Variants in UVRAG observed in about 807,000 individuals in gnomAD.
UVRAG encodes UV radiation resistance-associated gene protein.
In UVRAG, 19 loss-of-function variants were observed where a neutral mutation model predicts 78.0. That is an observed-to-expected ratio of 0.24 (90% CI 0.17 to 0.36). The LOEUF is 0.36. UVRAG is among the 10% of genes least tolerant of loss of function. The pLI is 1.00. For missense variants in UVRAG, 740 were observed against 853.8 expected, an observed-to-expected ratio of 0.87 and a Z score of 1.66; for synonymous variants, 323 against 324.6, an observed-to-expected ratio of 1.00 and a Z score of 0.05.
At chr11:75,946,266 A>G (rs1383660752) in intron 6 of UVRAG, among the ~76,000 whole-genome samples, 1 of 152,214 alleles carries the variant, frequency 6.6e-6, no homozygotes, top group East Asian at 1.9e-4. Flanking sequence ...AATAAATTTA[A>G]AGATACGTTA....
chr11:76,062,402 A>G (rs1951111121), intron 12 of UVRAG, among the ~76,000 whole-genome samples: 1 of 152,190 alleles, frequency 6.6e-6, no homozygotes, highest in Non-Finnish European at 1.5e-5. Context: ...GCTGCCTGTA[A>G]CCAAGATCTT....
At chr11:76,005,214 A>G (rs1949908549) in intron 9 of UVRAG, among the ~76,000 whole-genome samples, 1 of 152,080 alleles carries the variant, frequency 6.6e-6, no homozygotes, top group South Asian at 2.1e-4. Flanking sequence ...GTGGTGGCGG[A>G]TGCCTATAGT....
intron 13 of UVRAG, among the ~76,000 whole-genome samples, chr11:76,084,006 C>G (rs979674658): frequency 6.6e-6 from 1 of 152,188 alleles, no homozygotes; most frequent in African/African-American, 2.4e-5. Context: ...TTAGTGCTGC[C>G]TTAGGACTGA....
chr11:75,820,357 C>CTT (rs113444522), intron 1 of UVRAG, among the ~76,000 whole-genome samples: 89 of 143,510 alleles, frequency 6.2e-4, no homozygotes, highest in Middle Eastern at 3.6e-3. Context: ...TTCACTTATT[C>CTT]TTTTTTTTTT....
intron 6 of UVRAG, among the ~76,000 whole-genome samples, chr11:75,928,600 GA>G (rs1173286534): frequency 4.7e-4 from 67 of 143,474 alleles, no homozygotes; most frequent in African/African-American, 7.4e-4. Flanking sequence ...CCCTGCCTCA[GA>G]AAAAAAAAAA....
intron 6 of UVRAG, among the ~76,000 whole-genome samples, chr11:75,959,908 G>A (rs1266093167): frequency 6.6e-6 from 1 of 152,312 alleles, no homozygotes; most frequent in South Asian, 2.1e-4. Flanking sequence ...GGCCCAAGGA[G>A]AGGAAGAGAG....
At chr11:75,947,001 C>A (rs1948599796) in intron 6 of UVRAG, among the ~76,000 whole-genome samples, 2 of 152,168 alleles carry the variant, frequency 1.3e-5, no homozygotes, top group South Asian at 4.1e-4. Context: ...AGATGGCCAC[C>A]TGCCTGTTGT....
At chr11:75,827,465 G>T (rs1945540204) in intron 1 of UVRAG, among the ~76,000 whole-genome samples, 1 of 152,068 alleles carries the variant, frequency 6.6e-6, no homozygotes. Flanking sequence ...CAAAAAATTA[G>T]CTGGGCGTGG....
chr11:75,851,003 G>A (rs2134740653), intron 1 of UVRAG, among the ~76,000 whole-genome samples: 1 of 152,320 alleles, frequency 6.6e-6, no homozygotes, highest in East Asian at 1.9e-4. Flanking sequence ...CTGGCTTTCA[G>A]CCTGCGGGAG....
intron 3 of UVRAG, among the ~76,000 whole-genome samples, chr11:75,862,209 GAT>G (rs1026771450): frequency 5.3e-5 from 8 of 152,076 alleles, no homozygotes; most frequent in Non-Finnish European, 1.0e-4. Flanking sequence ...ATAAGTTTCT[GAT>G]TATTTCACTC....
At chr11:76,063,292 A>G (rs989598303) in intron 12 of UVRAG, among the ~76,000 whole-genome samples, 7 of 152,208 alleles carry the variant, frequency 4.6e-5, no homozygotes, top group African/African-American at 1.7e-4. Flanking sequence ...CAGACTGGAA[A>G]AAGAAAGGGT....
chr11:76,116,040 C>A, intron 14 of UVRAG, 25 bp downstream of exon 14: 1 of 1,599,586 alleles, frequency 6.3e-7, no homozygotes, highest in Non-Finnish European at 8.6e-7. Context: ...CTCTGATAAC[C>A]AGAAACTGTA....
At chr11:75,955,484 A>G (rs1360620550) in intron 6 of UVRAG, among the ~76,000 whole-genome samples, 2 of 152,224 alleles carry the variant, frequency 1.3e-5, no homozygotes, top group Non-Finnish European at 2.9e-5. Context: ...TCTCATATAT[A>G]TGATGACTTT....
intron 6 of UVRAG, among the ~76,000 whole-genome samples, chr11:75,925,001 A>G (rs1398822043): frequency 6.6e-6 from 1 of 152,220 alleles, no homozygotes; most frequent in Non-Finnish European, 1.5e-5. Context: ...CTTTGAGGGC[A>G]GTTAAGTATA....
chr11:75,848,725 G>A (rs868832843), intron 1 of UVRAG, among the ~76,000 whole-genome samples: 7 of 152,228 alleles, frequency 4.6e-5, no homozygotes, highest in Middle Eastern at 3.2e-3. Flanking sequence ...AAAGGAGTAT[G>A]AAGACAAATT....
intron 12 of UVRAG, among the ~76,000 whole-genome samples, chr11:76,021,197 AT>A (rs1253965065): frequency 6.6e-6 from 1 of 151,986 alleles, no homozygotes; most frequent in East Asian, 1.9e-4. Context: ...TGCTTACCTG[AT>A]TTTTGGTTCT....
At chr11:76,079,678 C>T (rs1951463702) in intron 13 of UVRAG, among the ~76,000 whole-genome samples, 1 of 152,112 alleles carries the variant, frequency 6.6e-6, no homozygotes, top group African/African-American at 2.4e-5. Flanking sequence ...GTTTTCAAAG[C>T]ATTCTCATAA....
At chr11:75,965,224 G>A (rs1162472306) in intron 7 of UVRAG, among the ~76,000 whole-genome samples, 1 of 152,162 alleles carries the variant, frequency 6.6e-6, no homozygotes, top group East Asian at 1.9e-4. Flanking sequence ...CCGTGAACAT[G>A]GTGTATATCT....
intron 3 of UVRAG, among the ~76,000 whole-genome samples, chr11:75,875,342 T>A (rs185713071): frequency 7.2e-4 from 109 of 152,374 alleles, no homozygotes; most frequent in African/African-American, 2.6e-3. Context: ...GTATTCATTT[T>A]ACTCTGATTT....
Sources: gnomAD v4.1 joint callset for allele counts (sites outside exome capture counted in the v4.1 genomes callset) on GRCh38, gnomAD v4.1.1 for gene constraint, MANE v1.5 for transcripts, NCBI Gene and HGNC (gene_info 2026-07-23, HGNC 2026-07-21) for gene names.